The following RGS7 variants were observed in gnomAD, a reference collection of about 807,000 sequenced individuals.
RGS7 encodes the protein regulator of G-protein signaling 7.
Under a neutral mutation model 81.1 loss-of-function variants are expected in RGS7, and 27 were observed. That is an observed-to-expected ratio of 0.33 (90% CI 0.25 to 0.46). RGS7 has a LOEUF of 0.46. RGS7 is among the 20% of genes least tolerant of loss of function. The pLI is 1.00. For missense variants in RGS7, 396 were observed against 607.4 expected (o/e 0.65, Z 3.66); for synonymous variants, 208 against 207.7 (o/e 1.00, Z -0.01).
intron 5 of RGS7, among the ~76,000 whole-genome samples, chr1:240,935,976 T>G (rs189951913): frequency 4.0e-4 from 61 of 152,350 alleles, no homozygotes; most frequent in African/African-American, 1.4e-3. Context: ...TAAATCAATG[T>G]GAACTCAAGT....
intron 2 of RGS7, among the ~76,000 whole-genome samples, chr1:241,182,359 TAAAAATGGAG>T (rs1349211492): frequency 6.6e-6 from 1 of 152,194 alleles, no homozygotes; most frequent in Non-Finnish European, 1.5e-5. Context: ...ACTTTTGCTC[TAAAAATGGAG>T]ACAGTATGCA....
At chr1:241,250,485 C>T (rs573069327) in intron 2 of RGS7, among the ~76,000 whole-genome samples, 32 of 151,060 alleles carry the variant, frequency 2.1e-4, no homozygotes, top group South Asian at 1.5e-3. Context: ...TTTTTGGACA[C>T]TCACCTTCTG....
At chr1:240,934,200 T>G (rs1034746257) in intron 5 of RGS7, among the ~76,000 whole-genome samples, 1 of 152,188 alleles carries the variant, frequency 6.6e-6, no homozygotes, top group African/African-American at 2.4e-5. Flanking sequence ...GACCTCATGA[T>G]CTGCCCACCT....
rs140713971 is a variant in RGS7, at chr1:241,139,295, T to TTTCC, written c.79-40537_79-40534dup. The stretch of plus-strand genomic sequence containing the variant: ...TTTCCTCCCCATCTTTCCTTCCTTC[T>TTTCC]TTCCTTCCTTCCTTCCTTCCTTCTA... On this transcript the variant is annotated intron_variant, in intron 2 of 18. Coordinates refer to ENST00000440928, the MANE Select transcript of RGS7 (RefSeq NM_001364886.1). Among the ~76,000 whole-genome samples the TTTCC allele has an allele frequency of 9.1e-3, 1,361 of 150,274 alleles. 29 individuals are homozygous for TTTCC. Among genetic ancestry groups the TTTCC allele is most frequent in the East Asian group, 0.058 (295 of 5,090 alleles).
intron 2 of RGS7, among the ~76,000 whole-genome samples, chr1:241,133,810 G>A (rs1201903603): frequency 6.6e-6 from 1 of 152,108 alleles, no homozygotes; most frequent in African/African-American, 2.4e-5. Flanking sequence ...GTTTGGTCAA[G>A]GTGAACTGGT....
intron 2 of RGS7, among the ~76,000 whole-genome samples, chr1:241,229,631 C>CT (rs1408750440): frequency 6.6e-6 from 1 of 152,094 alleles, no homozygotes; most frequent in African/African-American, 2.4e-5. Flanking sequence ...ATTGAAAGAG[C>CT]TTTTTTCTAA....
chr1:240,998,587 G>A, intron 3 of RGS7: 1 of 836,732 alleles, frequency 1.2e-6, no homozygotes. Flanking sequence ...GCCAGCTGCT[G>A]GACCAGGTCC....
At chr1:240,980,752 T>C (rs796878788) in intron 4 of RGS7, among the ~76,000 whole-genome samples, 19 of 152,342 alleles carry the variant, frequency 1.2e-4, no homozygotes, top group African/African-American at 3.8e-4. Context: ...TTAACTCTTC[T>C]TGAAACCAGT....
chr1:241,133,199 T>C (rs1245666020), intron 2 of RGS7, among the ~76,000 whole-genome samples: 1 of 151,918 alleles, frequency 6.6e-6, no homozygotes, highest in African/African-American at 2.4e-5. Flanking sequence ...GAATAGAAAA[T>C]GTAATCATAA....
chr1:240,793,238 T>A (rs1686322958), intron 18 of RGS7, among the ~76,000 whole-genome samples: 1 of 152,024 alleles, frequency 6.6e-6, no homozygotes, highest in South Asian at 2.1e-4. Context: ...AGCAGCAACT[T>A]AAGAACTAAC....
intron 9 of RGS7, among the ~76,000 whole-genome samples, chr1:240,850,192 G>A (rs535310124): frequency 6.6e-6 from 1 of 152,274 alleles, no homozygotes; most frequent in South Asian, 2.1e-4. Context: ...TTTTGTTTTT[G>A]TTTTGTTCTT....
rs1290285262 is a variant in RGS7 at position 241,007,108 on chromosome 1, G to C, written c.176-23979C>G. On this transcript the variant is annotated intron_variant, in intron 3 of 18. Coordinates refer to ENST00000440928, the MANE Select transcript of RGS7 (RefSeq NM_001364886.1). ...TTTTTTGTATTTTTAGTAGAGACAG[G>C]GTTTCACCATGTTGGCCAGGCCAGT... Among the ~76,000 whole-genome samples the C allele has an allele frequency of 1.3e-5, 2 of 151,964 alleles. 1 individual carries two copies. Among genetic ancestry groups the C allele is most frequent in the Non-Finnish European group, 2.9e-5 (2 of 68,018 alleles).
chr1:241,250,452 G>C (rs2076773299), intron 2 of RGS7, among the ~76,000 whole-genome samples: 1 of 151,378 alleles, frequency 6.6e-6, no homozygotes, highest in African/African-American at 2.4e-5. Flanking sequence ...ATGTAAACCT[G>C]TTAATATTGT....
intron 2 of RGS7, among the ~76,000 whole-genome samples, chr1:241,104,316 T>C (rs1258997803): frequency 6.6e-6 from 1 of 152,192 alleles, no homozygotes; most frequent in Non-Finnish European, 1.5e-5. Flanking sequence ...ACGCAATAAA[T>C]TGTCAAGCAA....
intron 2 of RGS7, among the ~76,000 whole-genome samples, chr1:241,264,142 G>C (rs918055096): frequency 1.1e-4 from 16 of 152,264 alleles, no homozygotes; most frequent in African/African-American, 3.9e-4. Context: ...TTATGTTTGA[G>C]TATTTTTTAA....
At chr1:241,208,925 T>C (rs973746586) in intron 2 of RGS7, among the ~76,000 whole-genome samples, 1 of 152,204 alleles carries the variant, frequency 6.6e-6, no homozygotes, top group Non-Finnish European at 1.5e-5. Context: ...ACCTAAGAGA[T>C]GTCAGAGGGA....
At chr1:241,183,858 G>A (rs1251073202) in intron 2 of RGS7, among the ~76,000 whole-genome samples, 1 of 152,188 alleles carries the variant, frequency 6.6e-6, no homozygotes, top group Non-Finnish European at 1.5e-5. Context: ...GGCACACGAA[G>A]GACATCAGAG....
intron 2 of RGS7, among the ~76,000 whole-genome samples, chr1:241,119,496 C>G (rs1033659827): frequency 5.3e-5 from 8 of 152,194 alleles, no homozygotes; most frequent in Admixed American, 5.2e-4. Context: ...TAACAATGAA[C>G]TTTTCATACT....
intron 1 of RGS7, among the ~76,000 whole-genome samples, chr1:241,356,626 C>T (rs1006523082): frequency 6.6e-6 from 1 of 152,144 alleles, no homozygotes; most frequent in African/African-American, 2.4e-5. Flanking sequence ...AGGCAAGCCC[C>T]TGCTCCCCTT....
Sources: allele counts gnomAD v4.1 joint callset (sites outside exome capture counted in the v4.1 genomes callset), GRCh38; gene constraint gnomAD v4.1.1; transcripts MANE v1.5; gene names NCBI Gene and HGNC (gene_info 2026-07-23, HGNC 2026-07-21).